Variants in C11orf16 observed in about 807,000 individuals in gnomAD.
The protein encoded by C11orf16 is uncharacterized protein C11orf16.
A neutral mutation model predicts 45.1 loss-of-function variants in C11orf16; 38 were observed. That is an observed-to-expected ratio of 0.84 (90% confidence interval 0.65 to 1.10). C11orf16 has a LOEUF of 1.10. Among genes scored for constraint, C11orf16 ranks in the 50% least tolerant of loss-of-function variants. The pLI is 0.00. For synonymous variants in C11orf16, 221 were observed against 222.0 expected (o/e 1.00, Z 0.04); for missense variants, 583 against 569.5 (o/e 1.02, Z -0.24).
In C11orf16 at chr11:8,927,024, C is replaced by A; in HGVS notation, c.475G>T (p.Val159Leu). ...VGYSLRPGDK[V>L]LALWEPGQQQ... ...TGGCCTGGCTCCCAGAGTGCCAGCACCTTATCCCCTGGTCTCAGTGAGTAT... is the reference window on the plus strand; with the variant it reads ...TGGCCTGGCTCCCAGAGTGCCAGCAACTTATCCCCTGGTCTCAGTGAGTAT... Residue 159 changes from valine to leucine, a missense_variant, in exon 4 of 7, where the codon GTG (valine) becomes TTG (leucine). Physicochemically the swap from Val to Leu is conservative, Grantham distance 32. Transcript: ENST00000326053. 3.1e-6 allele frequency: 5 copies of A among 1,614,100 alleles called. No homozygotes were observed. The highest frequency in any genetic ancestry group is 4.2e-6 in the Non-Finnish European group (5 of 1,180,016).
rs771715598 is a variant in C11orf16 at position 8,929,429 on chromosome 11, C to T, written c.272G>A (p.Arg91Lys). ...GTAGTAAAAACCATCTGCTTCCCTT[C>T]TTGCTAGGACCCATGTGTTGGCAGC... is the stretch of plus-strand genomic sequence containing the variant. ...GDAANTWVLARREADGFYYRA... is the reference protein window; with the variant it reads ...GDAANTWVLAKREADGFYYRA... The change falls in exon 3 of 7, where the codon AGA becomes AAA. Residue 91 changes from arginine to lysine, a missense_variant. Transcript: ENST00000326053. The T allele has an allele frequency of 3.1e-6, 5 of 1,614,178 alleles. 1 individual carries two copies. In the South Asian group the frequency reaches 5.5e-5, roughly 18 times the overall value.
At chr11:8,923,680 G>C (rs1168898924) in intron 5 of C11orf16, among the ~76,000 whole-genome samples, 2 of 151,790 alleles carry the variant, frequency 1.3e-5, no homozygotes, top group Non-Finnish European at 2.9e-5. Flanking sequence ...GGAGTGTAGT[G>C]GCTTACCCTG....
intron 2 of C11orf16, among the ~76,000 whole-genome samples, chr11:8,931,380 C>A (rs2064648932): frequency 6.6e-6 from 1 of 151,746 alleles, no homozygotes. Flanking sequence ...TGTGCCACCA[C>A]GCCCAGCTAA....
intron 5 of C11orf16, among the ~76,000 whole-genome samples, chr11:8,923,206 G>A (rs1034950671): frequency 1.3e-5 from 2 of 152,204 alleles, no homozygotes; most frequent in Admixed American, 6.5e-5. Context: ...GTAAACTTAG[G>A]GCCAGGGGAA....
At chr11:8,926,887 G>A in intron 4 of C11orf16, 53 bp downstream of exon 4, 1 of 1,469,358 alleles carries the variant, frequency 6.8e-7, no homozygotes, top group Non-Finnish European at 9.5e-7. Context: ...CCTCTGGCCT[G>A]ATTACAGCCT....
Position 8,921,345 on chromosome 11 carries a change from T to C in C11orf16, c.1375A>G (p.Ile459Val), listed in dbSNP as rs1447402012. 10 of 1,613,878 alleles carry C rather than the reference T, an allele frequency of 6.2e-6. No individual in the cohort carries two copies. Among genetic ancestry groups the C allele is most frequent in the East Asian group, 2.2e-5 (1 of 44,892 alleles). Residue 459 changes from isoleucine to valine, a missense_variant, in exon 6 of 7, where the codon ATA becomes GTA. By Grantham distance (29) the Ile-to-Val change is conservative (BLOSUM62 3). Coordinates refer to ENST00000326053, the MANE Select transcript of C11orf16 (RefSeq NM_020643.3). Reference protein sequence around the residue: ...EHRKRSQSLAICQWNKNSR With the variant: ...EHRKRSQSLAVCQWNKNSR Reference sequence around the variant, plus strand: ...CGGGAATTCTTGTTCCACTGACATATTGCAAGGCTCTGACTCCGCTTTCTG... The same window carrying C: ...CGGGAATTCTTGTTCCACTGACATACTGCAAGGCTCTGACTCCGCTTTCTG...
intron 4 of C11orf16, 53 bp from the exon 5 acceptor site, chr11:8,926,160 TTTTTC>T (rs1446799744): frequency 7.1e-7 from 1 of 1,416,616 alleles, no homozygotes; most frequent in African/African-American, 1.4e-5. Context: ...TATCTCCTTT[TTTTTC>T]TTTTTTCTTT....
intron 5 of C11orf16, 127 bp downstream of exon 5, chr11:8,925,336 C>G: frequency 1.2e-6 from 1 of 869,082 alleles, no homozygotes; most frequent in South Asian, 1.7e-5. Flanking sequence ...CATGACCAGA[C>G]TCCCAAGGAT....
At position 8,921,455 on chromosome 11, in the gene C11orf16, G is replaced by A. The variant is rs1486708311; in HGVS notation, c.1265C>T (p.Thr422Ile). ...CTCCTTGGTAGTCCCCACTACTGCAGTTTGTGCTCTCTGCTGTTTGTGATC... is the reference window on the plus strand; with the variant it reads ...CTCCTTGGTAGTCCCCACTACTGCAATTTGTGCTCTCTGCTGTTTGTGATC... ...EKDHKQQRAQ[T>I]AVVGTTKELV... Residue 422 changes from threonine (T) to isoleucine (I), a missense_variant, in exon 6 of 7, where the codon ACT becomes ATT. By Grantham distance (89) the Thr-to-Ile change is moderately conservative. Coordinates refer to ENST00000326053, the MANE Select transcript of C11orf16 (RefSeq NM_020643.3). The A allele has an allele frequency of 3.0e-5, 48 of 1,614,072 alleles. No individual in the cohort carries two copies. The highest frequency in any genetic ancestry group is 4.1e-5 in the Non-Finnish European group (48 of 1,180,030).
intron 5 of C11orf16, 92 bp from the exon 6 acceptor site, chr11:8,921,607 G>A: frequency 8.8e-7 from 1 of 1,136,760 alleles, no homozygotes; most frequent in Non-Finnish European, 1.3e-6. Flanking sequence ...GTATCTGTAA[G>A]CTCAAGCATT....
intron 5 of C11orf16, among the ~76,000 whole-genome samples, chr11:8,924,437 A>G (rs1417421122): frequency 6.6e-6 from 1 of 152,150 alleles, no homozygotes; most frequent in Non-Finnish European, 1.5e-5. Context: ...GAGGCATGAG[A>G]ATCACTCGAA....
chr11:8,932,476 T>G (rs1000193408), intron 1 of C11orf16, 150 bp from the exon 2 acceptor site: 5 of 573,754 alleles, frequency 8.7e-6, no homozygotes, highest in Admixed American at 3.3e-5. Context: ...TCTCACAGTT[T>G]CCTCTTTGAG....
rs150166114 is a variant in C11orf16 at position 8,922,573 on chromosome 11, A to T, written c.1205-1058T>A. ...GGCCTCCCTAGGACTATTAGGATCT[A>T]ATTGGAACCTCTCACTGCCTGTAAC... On this transcript the variant is annotated intron_variant, in intron 5 of 6. Transcript: ENST00000326053. 2.3e-3 allele frequency among the ~76,000 whole-genome samples: 356 copies of T among 152,332 alleles called. 7 individuals carry two copies. Among genetic ancestry groups the T allele is most frequent in the African/African-American group, 8.4e-3 (348 of 41,566 alleles).
At chr11:8,927,633 T>C (rs1379708445) in intron 3 of C11orf16, 1 of 456,752 alleles carries the variant, frequency 2.2e-6, no homozygotes, top group South Asian at 1.5e-5. Flanking sequence ...CCTATGAGGC[T>C]CATGTAGGCA....
At position 8,925,685 on chromosome 11, in the gene C11orf16, T is replaced by C. The variant is rs1423997563; in HGVS notation, c.982A>G (p.Met328Val). The change falls in exon 5 of 7, where the codon ATG becomes GTG. Residue 328 changes from methionine (M) to valine (V), a missense_variant. By Grantham distance (21) the Met-to-Val change is conservative. Coordinates refer to ENST00000326053, the MANE Select transcript of C11orf16 (RefSeq NM_020643.3). ...GAAGAAACAGCCAGGGGAGCGTGCA[T>C]TGCTACTTTCTCCTCTTTAGGACCT... ...LEGPKEEKVA[M>V]HAPLAVSSSS... The C allele has an allele frequency of 3.1e-6, 5 of 1,614,224 alleles. No individual in the cohort carries two copies. Among genetic ancestry groups the C allele is most frequent in the South Asian group, 2.2e-5 (2 of 91,088 alleles).
Position 8,927,024 on chromosome 11 carries a change from C to T in C11orf16, c.475G>A (p.Val159Met). ...VGYSLRPGDKVLALWEPGQQQ... is the reference protein window; with the variant it reads ...VGYSLRPGDKMLALWEPGQQQ... ...TGGCCTGGCTCCCAGAGTGCCAGCA[C>T]CTTATCCCCTGGTCTCAGTGAGTAT... is the stretch of plus-strand genomic sequence containing the variant. Residue 159 changes from valine (V) to methionine (M), a missense_variant, in exon 4 of 7, where the codon GTG (valine) becomes ATG (methionine). Physicochemically the swap from Val to Met is conservative, Grantham distance 21. Coordinates refer to ENST00000326053, the MANE Select transcript of C11orf16 (RefSeq NM_020643.3). 4 of 1,614,100 alleles carry T rather than the reference C, an allele frequency of 2.5e-6. No homozygotes were observed. Among genetic ancestry groups the T allele is most frequent in the Non-Finnish European group, 2.5e-6 (3 of 1,180,016 alleles).
At position 8,929,508 on chromosome 11, in the gene C11orf16, G is replaced by A; in HGVS notation, c.193C>T (p.His65Tyr). 6.2e-7 allele frequency: 1 copy of A among 1,613,758 alleles called. No individual in the cohort carries two copies. The highest frequency in any genetic ancestry group is 8.5e-7 in the Non-Finnish European group (1 of 1,179,870). Residue 65 changes from histidine to tyrosine, a missense_variant, in exon 3 of 7, where the codon CAC becomes TAC. By Grantham distance (83) the His-to-Tyr change is moderately conservative. Transcript: ENST00000326053. The part of the protein sequence containing the change: ...ARHASSCPCL[H>Y]VADPAWQGPG... ...CCCTGCCATGCTGGGTCGGCAACGT[G>A]GAGACATGGGCAAGAAGAGGCATGC...
At chr11:8,932,630 T>G (rs1358250330) in intron 1 of C11orf16, among the ~76,000 whole-genome samples, 1 of 152,178 alleles carries the variant, frequency 6.6e-6, no homozygotes, top group Non-Finnish European at 1.5e-5. Flanking sequence ...CCAGTTACAC[T>G]CAGGATAGAA....
At position 8,932,897 on chromosome 11, in the gene C11orf16, T is replaced by C. The variant is rs1343972911; in HGVS notation, c.-19+4A>G. 2 of 152,502 alleles carry C rather than the reference T, an allele frequency of 1.3e-5. No homozygotes were observed. Among genetic ancestry groups the C allele is most frequent in the Non-Finnish European group, 2.9e-5 (2 of 68,324 alleles). 9.4% of individuals were successfully genotyped at this position (152,502 alleles called of 1,614,324 possible). A position where few individuals can be genotyped will look rare whatever the true frequency, so the allele number is the denominator to read the frequency against. On this transcript the variant is annotated splice_donor_region_variant and intron_variant, in intron 1 of 6. Transcript: ENST00000326053. ...TCCACAGGTCTGACCCCACAAGGAC[T>C]TACCCACAGCCCCAAACTCCCAGCC... is the stretch of plus-strand genomic sequence containing the variant.
Sources: gnomAD v4.1 joint callset for allele counts (sites outside exome capture counted in the v4.1 genomes callset) on GRCh38, gnomAD v4.1.1 for gene constraint, MANE v1.5 for transcripts, NCBI Gene and HGNC (gene_info 2026-07-23, HGNC 2026-07-21) for gene names.